MANBA: variants seen among roughly 807,000 people sequenced by gnomAD.
MANBA encodes mannosidase beta, also known as beta-mannosidase.
A neutral mutation model predicts 111.1 loss-of-function variants in MANBA; 83 were observed. That is an observed-to-expected ratio of 0.75 (90% CI 0.63 to 0.90). The LOEUF is 0.90. Ranked by LOEUF, MANBA falls within the 40% of genes least tolerant of loss-of-function variation. The pLI is 0.00. For missense variants in MANBA, 1,036 were observed against 1,069.0 expected (o/e 0.97, Z 0.43); for synonymous variants, 370 against 378.7 (o/e 0.98, Z 0.27).
At chr4:102,668,831 T>C in intron 10 of MANBA, 132 bp downstream of exon 10, 3 of 725,902 alleles carry the variant, frequency 4.1e-6, no homozygotes, top group Non-Finnish European at 7.4e-6. Flanking sequence ...ACCTAGGATG[T>C]CAATTACCTG....
chr4:102,645,109 T>C (rs1433012605), intron 13 of MANBA, among the ~76,000 whole-genome samples: 1 of 152,066 alleles, frequency 6.6e-6, no homozygotes, highest in Non-Finnish European at 1.5e-5. Flanking sequence ...TCTTCATTTA[T>C]TGAGATGATC....
chr4:102,659,357 A>G (rs1364964851), intron 11 of MANBA, among the ~76,000 whole-genome samples: 2 of 152,178 alleles, frequency 1.3e-5, no homozygotes, highest in Admixed American at 1.3e-4. Context: ...TCCAGAAAAT[A>G]ATTTTCTCAA....
intron 9 of MANBA, among the ~76,000 whole-genome samples, chr4:102,670,016 G>A (rs533353144): frequency 5.3e-5 from 8 of 151,728 alleles, no homozygotes; most frequent in South Asian, 2.1e-4. Context: ...TTAGCCGGGC[G>A]TGGTGACACA....
At position 102,634,742 on chromosome 4, in the gene MANBA, C is replaced by A. The variant is rs751192770; in HGVS notation, c.2415+46G>T. The A allele has an allele frequency of 5.6e-6, 9 of 1,611,760 alleles. No homozygotes were observed. In the Admixed American group the frequency reaches 1.2e-4, roughly 21 times the overall value. Reference sequence around the variant, plus strand: ...GGAGCTGGCCCAAGAGCAGGAGAACCCCACAAGGCCACAGTCCCCTGCCCT... The same window carrying A: ...GGAGCTGGCCCAAGAGCAGGAGAACACCACAAGGCCACAGTCCCCTGCCCT... On this transcript the variant is annotated intron_variant, in intron 16 of 16. Transcript: ENST00000647097.
chr4:102,747,912 G>A (rs1199118023), intron 1 of MANBA, among the ~76,000 whole-genome samples: 1 of 152,236 alleles, frequency 6.6e-6, no homozygotes, highest in African/African-American at 2.4e-5. Flanking sequence ...AGGAGACACA[G>A]AGACAAGTGA....
chr4:102,727,262 C>T (rs772170652), intron 1 of MANBA: 1 of 524,342 alleles, frequency 1.9e-6, no homozygotes, highest in Non-Finnish European at 3.5e-6. Context: ...TCTGTGTGGT[C>T]CTCACCTCAC....
At chr4:102,727,446 G>C (rs1722853089) in intron 1 of MANBA, 3 of 1,360,174 alleles carry the variant, frequency 2.2e-6, no homozygotes, top group Non-Finnish European at 3.2e-6. Context: ...ATTGCACATG[G>C]GTCTCAGAGC....
At chr4:102,724,235 T>G (rs1722697512) in intron 2 of MANBA, among the ~76,000 whole-genome samples, 1 of 152,210 alleles carries the variant, frequency 6.6e-6, no homozygotes, top group Admixed American at 6.5e-5. Flanking sequence ...ATTGACTTTT[T>G]CTAGTTAATA....
At chr4:102,712,323 C>T (rs1056265134) in intron 5 of MANBA, among the ~76,000 whole-genome samples, 2 of 152,136 alleles carry the variant, frequency 1.3e-5, no homozygotes, top group Admixed American at 6.5e-5. Context: ...CACTCAGTCA[C>T]TAGTGACTAA....
intron 5 of MANBA, among the ~76,000 whole-genome samples, chr4:102,711,304 G>T (rs1278691125): frequency 2.0e-5 from 3 of 152,104 alleles, no homozygotes; most frequent in Admixed American, 1.3e-4. Context: ...GTGGGCAAAG[G>T]ACATGAATAG....
chr4:102,737,409 G>A (rs184689005), intron 1 of MANBA, among the ~76,000 whole-genome samples: 7 of 152,222 alleles, frequency 4.6e-5, no homozygotes, highest in African/African-American at 9.6e-5. Flanking sequence ...AGTGCTGTTG[G>A]GGGGGCACAG....
At chr4:102,737,569 G>A (rs1036637455) in intron 1 of MANBA, among the ~76,000 whole-genome samples, 16 of 151,892 alleles carry the variant, frequency 1.1e-4, no homozygotes, top group Non-Finnish European at 2.1e-4. Context: ...TGCAAGCTCC[G>A]CCTCCCGGGT....
intron 1 of MANBA, chr4:102,734,672 T>C: frequency 1.7e-6 from 2 of 1,201,794 alleles, no homozygotes. Context: ...ACAGCCCTCC[T>C]GGGAATCTAT....
intron 1 of MANBA, chr4:102,729,611 T>G (rs1251959814): frequency 1.0e-6 from 1 of 958,758 alleles, no homozygotes; most frequent in East Asian, 2.4e-5. Flanking sequence ...TCTCCACCTC[T>G]GTACACTTAT....
chr4:102,685,587 C>T (rs1466237527), intron 7 of MANBA, among the ~76,000 whole-genome samples: 1 of 152,148 alleles, frequency 6.6e-6, no homozygotes, highest in African/African-American at 2.4e-5. Flanking sequence ...ACCTTGCCCT[C>T]TCAACTACCT....
intron 7 of MANBA, among the ~76,000 whole-genome samples, chr4:102,688,539 T>C (rs1732328855): frequency 6.6e-6 from 1 of 152,004 alleles, no homozygotes; most frequent in African/African-American, 2.4e-5. Flanking sequence ...AAATACCAAA[T>C]GTAAGAGGTG....
At chr4:102,705,599 G>C (rs1733260684) in intron 5 of MANBA, among the ~76,000 whole-genome samples, 1 of 152,096 alleles carries the variant, frequency 6.6e-6, no homozygotes, top group South Asian at 2.1e-4. Context: ...GTCACCTATA[G>C]CTACTGCCAC....
intron 5 of MANBA, among the ~76,000 whole-genome samples, chr4:102,702,431 C>T (rs1733101292): frequency 6.6e-6 from 1 of 152,122 alleles, no homozygotes; most frequent in South Asian, 2.1e-4. Flanking sequence ...AGGAGAGGTG[C>T]TCTGCTTTTT....
At chr4:102,637,510 G>A (rs191936755) in intron 14 of MANBA, among the ~76,000 whole-genome samples, 5 of 152,258 alleles carry the variant, frequency 3.3e-5, no homozygotes, top group Admixed American at 1.3e-4. Context: ...GATCATACCC[G>A]CTTTGTCCAA....
Sources: gnomAD v4.1 joint callset for allele counts (sites outside exome capture counted in the v4.1 genomes callset) on GRCh38, gnomAD v4.1.1 for gene constraint, MANE v1.5 for transcripts, NCBI Gene and HGNC (gene_info 2026-07-23, HGNC 2026-07-21) for gene names.